Variants in EFL1 observed in about 807,000 individuals in gnomAD.
EFL1 encodes elongation factor-like GTPase 1.
EFL1 carries 76 observed loss-of-function variants against 126.7 expected under a neutral mutation model. The observed-to-expected ratio is 0.60, with a 90% confidence interval of 0.50 to 0.73. The LOEUF is 0.73. Ranked by LOEUF, EFL1 falls within the 30% of genes least tolerant of loss-of-function variation. The pLI, the probability that EFL1 is intolerant of heterozygous loss-of-function variation, is 0.00. For synonymous variants in EFL1, 410 were observed against 448.4 expected (o/e 0.91, Z 1.08); for missense variants, 1,128 against 1,343.2 (o/e 0.84, Z 2.50).
At chr15:82,245,013 A>C (rs4778672) in intron 4 of EFL1, among the ~76,000 whole-genome samples, 34,628 of 152,102 alleles carry the variant, frequency 0.23, 4,413 homozygotes, top group Non-Finnish European at 0.28. Context: ...TAACAGAAAT[A>C]TAGGCAGAAC....
intron 15 of EFL1, among the ~76,000 whole-genome samples, chr15:82,207,144 T>C (rs1343887408): frequency 6.6e-6 from 1 of 152,054 alleles, no homozygotes; most frequent in Non-Finnish European, 1.5e-5. Flanking sequence ...CTGAAAGATG[T>C]AGAAAAGACC....
intron 12 of EFL1, among the ~76,000 whole-genome samples, chr15:82,224,928 A>T (rs8038367): frequency 0.21 from 31,727 of 152,142 alleles, 6,151 homozygotes; most frequent in African/African-American, 0.51. Flanking sequence ...TACTCTTCAA[A>T]CTTACATCAC....
At chr15:82,257,801 G>C (rs1157638011) in intron 3 of EFL1, among the ~76,000 whole-genome samples, 1 of 152,170 alleles carries the variant, frequency 6.6e-6, no homozygotes, top group Non-Finnish European at 1.5e-5. Flanking sequence ...TGTTAGCTGG[G>C]TTAATCTTTT....
intron 15 of EFL1, among the ~76,000 whole-genome samples, chr15:82,181,035 T>A (rs2141260139): frequency 6.6e-6 from 1 of 152,280 alleles, no homozygotes; most frequent in South Asian, 2.1e-4. Flanking sequence ...GCCTAAATTT[T>A]TTTTTTAATT....
chr15:82,137,524 C>T lies in EFL1; in HGVS notation c.3174+1134G>A, dbSNP rs111781727. Among the ~76,000 whole-genome samples the T allele has an allele frequency of 9.0e-3, 1,378 of 152,304 alleles. 22 individuals are homozygous for T. Among genetic ancestry groups the T allele is most frequent in the African/African-American group, 0.032 (1,339 of 41,546 alleles). On this transcript the variant is annotated intron_variant, in intron 19 of 19. Coordinates refer to ENST00000268206, the MANE Select transcript of EFL1 (RefSeq NM_024580.6). ...GGCTGGTCAGCCACAATGTCAGGAA[C>T]TAGGTTAGATATTTGACCTAGGGGT...
At chr15:82,252,830 T>TA (rs1280759049) in intron 3 of EFL1, 55 bp from the exon 4 acceptor site, 8 of 1,021,000 alleles carry the variant, frequency 7.8e-6, no homozygotes, top group Admixed American at 4.2e-5. Context: ...AATGTAACAT[T>TA]AAAATTTGCT....
At chr15:82,162,628 A>G (rs1369534966) in intron 16 of EFL1, among the ~76,000 whole-genome samples, 1 of 152,222 alleles carries the variant, frequency 6.6e-6, no homozygotes, top group Non-Finnish European at 1.5e-5. Flanking sequence ...GCACTGTGTC[A>G]GTCCACAGTG....
intron 19 of EFL1, among the ~76,000 whole-genome samples, chr15:82,138,137 A>G (rs1400043416): frequency 6.6e-6 from 1 of 152,154 alleles, no homozygotes; most frequent in East Asian, 1.9e-4. Context: ...CTCATTCCAC[A>G]ACACCTGAAA....
At chr15:82,151,217 T>C (rs1238153846) in intron 18 of EFL1, among the ~76,000 whole-genome samples, 1 of 152,088 alleles carries the variant, frequency 6.6e-6, no homozygotes, top group Non-Finnish European at 1.5e-5. Flanking sequence ...AAACTCAGTC[T>C]CTACAAAAAA....
chr15:82,252,283 C>T (rs2075029468), intron 4 of EFL1, among the ~76,000 whole-genome samples: 1 of 152,304 alleles, frequency 6.6e-6, no homozygotes, highest in East Asian at 1.9e-4. Flanking sequence ...AGAAGTGTTA[C>T]TATCAATGTA....
intron 7 of EFL1, among the ~76,000 whole-genome samples, chr15:82,231,990 T>C (rs1386090880): frequency 6.6e-6 from 1 of 152,184 alleles, no homozygotes; most frequent in Non-Finnish European, 1.5e-5. Flanking sequence ...TACTTCCAGA[T>C]GTTAAGTCAG....
intron 18 of EFL1, among the ~76,000 whole-genome samples, chr15:82,139,740 A>G (rs1286157993): frequency 3.3e-5 from 5 of 152,236 alleles, no homozygotes; most frequent in Non-Finnish European, 5.9e-5. Flanking sequence ...TTTTAGTTAC[A>G]TAAGTGATCT....
chr15:82,241,210 C>G, intron 5 of EFL1, 60 bp downstream of exon 5: 1 of 1,590,302 alleles, frequency 6.3e-7, no homozygotes, highest in South Asian at 1.1e-5. Flanking sequence ...TAAAGTCAGT[C>G]AGTTCCCCCT....
At chr15:82,131,784 C>T (rs2073648889) in intron 19 of EFL1, among the ~76,000 whole-genome samples, 1 of 151,832 alleles carries the variant, frequency 6.6e-6, no homozygotes, top group Non-Finnish European at 1.5e-5. Flanking sequence ...AAGAGTGAAA[C>T]TCTGTCTCAA....
At chr15:82,136,151 G>A (rs1447490878) in intron 19 of EFL1, among the ~76,000 whole-genome samples, 1 of 151,968 alleles carries the variant, frequency 6.6e-6, no homozygotes, top group African/African-American at 2.4e-5. Context: ...GGATAAGACT[G>A]TCAAATGATG....
intron 12 of EFL1, among the ~76,000 whole-genome samples, chr15:82,220,994 A>G (rs1196266361): frequency 4.6e-5 from 7 of 152,150 alleles, no homozygotes; most frequent in East Asian, 3.9e-4. Flanking sequence ...TCCCACGTAG[A>G]GGTCCTTATG....
At chr15:82,156,119 G>A (rs968501691) in intron 17 of EFL1, among the ~76,000 whole-genome samples, 1 of 152,178 alleles carries the variant, frequency 6.6e-6, no homozygotes, top group Admixed American at 6.5e-5. Context: ...GCCACCCTGA[G>A]GTCTTGAAGA....
At position 82,190,460 on chromosome 15, in the gene EFL1, T is replaced by C. The variant is rs543127294; in HGVS notation, c.1750+24257A>G. On this transcript the variant is annotated intron_variant, in intron 15 of 19. Coordinates refer to ENST00000268206, the MANE Select transcript of EFL1 (RefSeq NM_024580.6). ...TCTTTACTTTTGAATGCTACATCTT[T>C]CTATATATCCATGGATTCTTCTATG... 3.3e-5 allele frequency among the ~76,000 whole-genome samples: 5 copies of C among 152,336 alleles called. No homozygotes were observed. The South Asian group carries it at 1.0e-3, about 32-fold the overall frequency.
At chr15:82,222,665 C>CA (rs367997660) in intron 12 of EFL1, among the ~76,000 whole-genome samples, 1 of 152,176 alleles carries the variant, frequency 6.6e-6, no homozygotes, top group African/African-American at 2.4e-5. Flanking sequence ...GGGAACAAAG[C>CA]AGATAGTAAT....
Sources: allele counts gnomAD v4.1 joint callset (sites outside exome capture counted in the v4.1 genomes callset), GRCh38; gene constraint gnomAD v4.1.1; transcripts MANE v1.5; gene names NCBI Gene and HGNC (gene_info 2026-07-23, HGNC 2026-07-21).